The following COA1 variants were observed in gnomAD, a reference collection of about 807,000 sequenced individuals.
COA1 encodes cytochrome c oxidase assembly factor 1 homolog.
A neutral mutation model predicts 16.0 loss-of-function variants in COA1; 13 were observed. That is an observed-to-expected ratio of 0.81 (90% CI 0.53 to 1.29). The LOEUF is 1.29. Among genes scored for constraint, COA1 ranks in the 50% most tolerant of loss-of-function variants. The pLI, the probability that COA1 is intolerant of heterozygous loss-of-function variation, is 0.00. For synonymous variants in COA1, 65 were observed against 65.7 expected, an observed-to-expected ratio of 0.99 and a Z score of 0.05; for missense variants, 179 against 177.0, an observed-to-expected ratio of 1.01 and a Z score of -0.06.
chr7:43,711,227 A>T (rs757108210), intron 1 of COA1, among the ~76,000 whole-genome samples: 2 of 152,150 alleles, frequency 1.3e-5, no homozygotes, highest in Admixed American at 6.6e-5. Flanking sequence ...GTAACTAATC[A>T]GAGACCAACA....
intron 2 of COA1, chr7:43,648,240 T>C (rs2089975993): frequency 2.7e-6 from 1 of 370,822 alleles, no homozygotes; most frequent in African/African-American, 2.0e-5. Flanking sequence ...ATTACAGTAA[T>C]GTGATCTGGG....
chr7:43,682,202 C>T (rs2093799437), intron 1 of COA1, among the ~76,000 whole-genome samples: 1 of 152,206 alleles, frequency 6.6e-6, no homozygotes, highest in Non-Finnish European at 1.5e-5. Context: ...CGTTAATCTC[C>T]TGTTTTAGAA....
In COA1 at chr7:43,664,266, A is replaced by C. The variant is rs551333751; in HGVS notation, c.-38-15614T>G. On this transcript the variant is annotated intron_variant, in intron 1 of 5. Coordinates refer to ENST00000223336, the MANE Select transcript of COA1 (RefSeq NM_018224.4). The stretch of plus-strand genomic sequence containing the variant: ...AAGTGGCTGGGATTACAGGCATGCA[A>C]CACCACACCCGGCTCCATTATTTGT... Among the ~76,000 whole-genome samples, 29 of 152,180 alleles carry C rather than the reference A, an allele frequency of 1.9e-4. No individual in the cohort carries two copies. In the South Asian group the frequency reaches 5.4e-3, roughly 28 times the overall value.
chr7:43,719,932 A>G (rs1469856446), intron 1 of COA1, among the ~76,000 whole-genome samples: 1 of 152,148 alleles, frequency 6.6e-6, no homozygotes, highest in African/African-American at 2.4e-5. Context: ...AACAGGGAGG[A>G]GGGAGGAATG....
chr7:43,716,570 A>G (rs2095399591), intron 1 of COA1, among the ~76,000 whole-genome samples: 1 of 152,220 alleles, frequency 6.6e-6, no homozygotes, highest in Admixed American at 6.5e-5. Context: ...TTAAAAGGGA[A>G]ACAGGGCATA....
At chr7:43,639,094 T>A (rs1039535783), downstream of COA1, 5 of 152,314 alleles carry the variant, frequency 3.3e-5, no homozygotes, top group African/African-American at 1.2e-4. Flanking sequence ...CTTAACAACA[T>A]GAATTCAAGG....
At chr7:43,679,328 C>G (rs2093668133) in intron 1 of COA1, among the ~76,000 whole-genome samples, 2 of 132,742 alleles carry the variant, frequency 1.5e-5, no homozygotes, top group Non-Finnish European at 3.3e-5. Context: ...AAAAAAAGTA[C>G]AAGGAGAATG....
chr7:43,651,701 A>C (rs1163809271), intron 1 of COA1, among the ~76,000 whole-genome samples: 1 of 151,704 alleles, frequency 6.6e-6, no homozygotes, highest in Non-Finnish European at 1.5e-5. Context: ...AAAAAAAAAA[A>C]AAAAAAAAAA....
chr7:43,654,474 G>A (rs2091396289), intron 1 of COA1, among the ~76,000 whole-genome samples: 1 of 151,974 alleles, frequency 6.6e-6, no homozygotes, highest in Non-Finnish European at 1.5e-5. Context: ...CGCTAAAGAA[G>A]GAAAGGGAAG....
At chr7:43,650,475 G>C (rs770505433) in intron 1 of COA1, 1 of 152,212 alleles carries the variant, frequency 6.6e-6, no homozygotes, top group East Asian at 1.9e-4. Flanking sequence ...AATAAAGTTA[G>C]AGCACAATAG....
At chr7:43,694,047 A>C (rs2131123198) in intron 1 of COA1, among the ~76,000 whole-genome samples, 1 of 151,066 alleles carries the variant, frequency 6.6e-6, no homozygotes, top group East Asian at 1.9e-4. Flanking sequence ...ACAAGGATCT[A>C]CCAGTTCACC....
chr7:43,637,568 T>C (rs1470286263), downstream of COA1, among the ~76,000 whole-genome samples: 1 of 152,110 alleles, frequency 6.6e-6, no homozygotes, highest in Non-Finnish European at 1.5e-5. Flanking sequence ...GATGAATGGA[T>C]ATACAGGAAA....
chr7:43,669,929 T>C (rs2093153445), intron 1 of COA1, among the ~76,000 whole-genome samples: 1 of 152,006 alleles, frequency 6.6e-6, no homozygotes, highest in African/African-American at 2.4e-5. Context: ...AGGGCTGAAA[T>C]TACTTGAGTG....
downstream of COA1, among the ~76,000 whole-genome samples, chr7:43,636,979 C>A (rs967814002): frequency 6.6e-6 from 1 of 152,216 alleles, no homozygotes; most frequent in South Asian, 2.1e-4. Flanking sequence ...ACTTTACCTG[C>A]GCTCATCTAC....
intron 6 of COA1, among the ~76,000 whole-genome samples, chr7:43,610,456 A>G (rs2082756822): frequency 6.6e-6 from 1 of 151,640 alleles, no homozygotes; most frequent in Non-Finnish European, 1.5e-5. Context: ...ACTTGAGGTC[A>G]GGAGTTCAAG....
chr7:43,641,888 G>A (rs907699544), intron 4 of COA1: 1 of 152,194 alleles, frequency 6.6e-6, no homozygotes, highest in East Asian at 1.9e-4. Flanking sequence ...AGGAGACACA[G>A]GCACAGTTAA....
intron 1 of COA1, among the ~76,000 whole-genome samples, chr7:43,705,394 T>G (rs1229649364): frequency 4.6e-5 from 7 of 152,238 alleles, no homozygotes; most frequent in African/African-American, 1.7e-4. Context: ...GGCAGGGGTC[T>G]GGGTCCATTT....
chr7:43,685,601 T>C (rs1309163959), intron 1 of COA1, among the ~76,000 whole-genome samples: 4 of 152,306 alleles, frequency 2.6e-5, no homozygotes. Flanking sequence ...CTTCTGCTGA[T>C]TTCAAATGAT....
At chr7:43,627,213 T>A (rs1433347427) in intron 6 of COA1, among the ~76,000 whole-genome samples, 1 of 152,182 alleles carries the variant, frequency 6.6e-6, no homozygotes, top group Non-Finnish European at 1.5e-5. Flanking sequence ...GAAATGATAT[T>A]TGATTGATCT....
Sources: gnomAD v4.1 joint callset for allele counts (sites outside exome capture counted in the v4.1 genomes callset) on GRCh38, gnomAD v4.1.1 for gene constraint, MANE v1.5 for transcripts, NCBI Gene and HGNC (gene_info 2026-07-23, HGNC 2026-07-21) for gene names.